ITGB4: variants seen among roughly 807,000 people sequenced by gnomAD.
The protein encoded by ITGB4 is integrin beta-4.
In ITGB4, 159 loss-of-function variants were observed where a neutral mutation model predicts 207.6. The ratio of observed to expected loss-of-function variants is 0.77; its 90% CI spans 0.67 to 0.87. ITGB4 has a LOEUF of 0.87. ITGB4 is among the 40% of genes least tolerant of loss of function. The pLI is 0.00. For missense variants in ITGB4, 2,278 were observed against 2,546.8 expected, an observed-to-expected ratio of 0.89 and a Z score of 2.27; for synonymous variants, 1,020 against 1,062.7, an observed-to-expected ratio of 0.96 and a Z score of 0.78.
In ITGB4 at chr17:75,748,841, G is replaced by A. The variant is rs1280050049; in HGVS notation, c.3112G>A (p.Asp1038Asn). Residue 1038 changes from aspartate (D) to asparagine (N), a missense_variant and splice_region_variant, in exon 27 of 40, where the codon GAC (aspartate) becomes AAC (asparagine). Physicochemically the swap from Asp to Asn is conservative, Grantham distance 23 (BLOSUM62 1). Coordinates refer to ENST00000200181, the MANE Select transcript of ITGB4 (RefSeq NM_000213.5). ...TQDGTAQGNR[D>N]YIPVEGELLF... ...TGACCCTGACCCCCTCCACTCCCAG[G>A]ACTACATCCCCGTGGAGGGTGAGCT... The A allele has an allele frequency of 1.2e-6, 2 of 1,608,154 alleles. No homozygotes were observed. Among genetic ancestry groups the A allele is most frequent in the Admixed American group, 3.4e-5 (2 of 59,396 alleles).
rs141930616 is a variant in ITGB4 at position 75,727,774 on chromosome 17, G to A, written c.388G>A (p.Val130Met). Residue 130 changes from valine (V) to methionine (M), a missense_variant, in exon 5 of 40, where the codon GTG (valine) becomes ATG (methionine). By Grantham distance (21) the Val-to-Met change is conservative. Transcript: ENST00000200181. This position sits in a 1 kb window ranked among gnomAD's most constrained non-coding sequence, Gnocchi z 6.0. ...GGTGTTTGAGCCACTGGAGAGCCCC[G>A]TGGACCTGTACATCCTCATGGACTT... is the stretch of plus-strand genomic sequence containing the variant. ...LEVFEPLESP[V>M]DLYILMDFSN... is the part of the protein sequence containing the mutation. 2.1e-5 allele frequency: 34 copies of A among 1,614,096 alleles called. No homozygotes were observed. Among genetic ancestry groups the A allele is most frequent in the African/African-American group, 9.3e-5 (7 of 75,040 alleles).
In ITGB4 at chr17:75,736,560, C is replaced by G. The variant is rs751684413; in HGVS notation, c.1861-5C>G. On this transcript the variant is annotated splice_region_variant and splice_polypyrimidine_tract_variant and intron_variant, in intron 15 of 39. Transcript: ENST00000200181. ...TGCCTGTCTGCCCCGCCTTTCCCCGCCAAGATCCACCCGGGCCTCTGCGAG... is the reference window on the plus strand; with the variant it reads ...TGCCTGTCTGCCCCGCCTTTCCCCGGCAAGATCCACCCGGGCCTCTGCGAG... The G allele has an allele frequency of 6.3e-7, 1 of 1,596,284 alleles. No homozygotes were observed. The highest frequency in any genetic ancestry group is 8.5e-7 in the Non-Finnish European group (1 of 1,171,964).
rs372656281 is a variant in ITGB4, at chr17:75,736,031, T to A, written c.1658-20T>A. On this transcript the variant is annotated intron_variant, in intron 13 of 39. Transcript: ENST00000200181. Reference sequence around the variant, plus strand: ...GGCACAGATGTAGCTCTCATCTCCCTTCCTTGTCCCTCTCTGCAGACCGAG... The same window carrying A: ...GGCACAGATGTAGCTCTCATCTCCCATCCTTGTCCCTCTCTGCAGACCGAG... 2.5e-6 allele frequency: 4 copies of A among 1,611,798 alleles called. No individual in the cohort carries two copies. Among genetic ancestry groups the A allele is most frequent in the Non-Finnish European group, 3.4e-6 (4 of 1,178,900 alleles).
Position 75,729,184 on chromosome 17 carries a change from C to A in ITGB4, c.567-81C>A. On this transcript the variant is annotated intron_variant, in intron 6 of 39. Transcript: ENST00000200181. The surrounding 1 kb of genome is among the most constrained non-coding windows in gnomAD (Gnocchi z 4.4). ...AAAAAAAAAAAAAAAAATTCTCCTT[C>A]TAGTTGAAACGAGCCAGGGGCACTG... The A allele has an allele frequency of 5.5e-6, 7 of 1,276,748 alleles. No homozygotes were observed. Among genetic ancestry groups the A allele is most frequent in the South Asian group, 1.3e-5 (1 of 75,242 alleles). The allele number at this position is 1,276,748 out of a possible 1,614,324, so 79.1% of individuals were successfully genotyped here.
Position 75,736,078 on chromosome 17 carries a change from G to A in ITGB4, c.1685G>A (p.Cys562Tyr), listed in dbSNP as rs2060968381. 1 of 1,614,008 alleles carries A rather than the reference G, an allele frequency of 6.2e-7. No individual in the cohort carries two copies. The highest frequency in any genetic ancestry group is 1.7e-5 in the Admixed American group (1 of 60,006). Residue 562 changes from cysteine to tyrosine, a missense_variant, in exon 14 of 40, where the codon TGT (cysteine) becomes TAT (tyrosine). Transcript: ENST00000200181. ...NDRGRCSMGQ[C>Y]VCEPGWTGPS... is the part of the protein sequence containing the mutation. ...CGAGGACGCTGCTCCATGGGCCAGT[G>A]TGTGTGTGAGCCTGGTTGGACAGGC...
rs775690274 is a variant in ITGB4 at position 75,750,821 on chromosome 17, C to A, written c.3616C>A (p.Pro1206Thr). The change falls in exon 29 of 40, where the codon CCC becomes ACC. Residue 1206 changes from proline to threonine, a missense_variant. Pro to Thr is a conservative substitution (Grantham distance 38). Coordinates refer to ENST00000200181, the MANE Select transcript of ITGB4 (RefSeq NM_000213.5). The surrounding 1 kb of genome is among the most constrained non-coding windows in gnomAD (Gnocchi z 5.5). ...CGCCTACGGGGCTCAGGGCGAGGGACCCTACAGCTCCCTGGTGTCCTGCCG... is the reference window on the plus strand; with the variant it reads ...CGCCTACGGGGCTCAGGGCGAGGGAACCTACAGCTCCCTGGTGTCCTGCCG... ...VCAYGAQGEG[P>T]YSSLVSCRTH... 3 of 1,613,284 alleles carry A rather than the reference C, an allele frequency of 1.9e-6. No homozygotes were observed. In the African/African-American group the frequency reaches 4.0e-5, roughly 22 times the overall value.
rs1406787104 is a variant in ITGB4, at chr17:75,737,366, G to A, written c.2035G>A (p.Asp679Asn). 3.2e-6 allele frequency: 5 copies of A among 1,587,116 alleles called. No individual in the cohort carries two copies. Among genetic ancestry groups the A allele is most frequent in the South Asian group, 2.3e-5 (2 of 87,026 alleles). Residue 679 changes from aspartate to asparagine, a missense_variant, in exon 17 of 40, where the codon GAC (aspartate) becomes AAC (asparagine). Physicochemically the swap from Asp to Asn is conservative, Grantham distance 23. Transcript: ENST00000200181. ...CTGCTCCTTCCGGGACGAGGATGACGACTGCACCTACAGCTACACCATGGA... is the reference window on the plus strand; with the variant it reads ...CTGCTCCTTCCGGGACGAGGATGACAACTGCACCTACAGCTACACCATGGA... Reference protein sequence around the residue: ...VRCSFRDEDDDCTYSYTMEGD... With the variant: ...VRCSFRDEDDNCTYSYTMEGD...
rs774672916 is a variant in ITGB4, at chr17:75,733,572, T to G, written c.1537T>G (p.Ser513Ala). ...GCGGGAGGGCGAGGACAAGCCGTGC[T>G]CCGGCCGTGGGGAGTGCCAGTGCGG... ...CLREGEDKPC[S>A]GRGECQCGHC... Residue 513 changes from serine (S) to alanine (A), a missense_variant, in exon 13 of 40, where the codon TCC becomes GCC. Physicochemically the swap from Ser to Ala is moderately conservative, Grantham distance 99. Transcript: ENST00000200181. 6.2e-7 allele frequency: 1 copy of G among 1,613,918 alleles called. No homozygotes were observed. The highest frequency in any genetic ancestry group is 8.5e-7 in the Non-Finnish European group (1 of 1,180,026).
rs2061425945 is a variant in ITGB4 at position 75,753,883 on chromosome 17, C to G, written c.4227C>G (p.Asp1409Glu). ...RLSASSGRSS[D>E]AEAPHGPPDD... Reference sequence around the variant, plus strand: ...CGGCCAGCAGCGGGCGCTCCTCCGACGCCGAGGCGCCCCACGGGCCCCCGG... The same window carrying G: ...CGGCCAGCAGCGGGCGCTCCTCCGAGGCCGAGGCGCCCCACGGGCCCCCGG... Residue 1409 changes from aspartate (D) to glutamate (E), a missense_variant, in exon 33 of 40, where the codon GAC becomes GAG. By Grantham distance (45) the Asp-to-Glu change is conservative (BLOSUM62 2). Transcript: ENST00000200181. The G allele has an allele frequency of 2.3e-6, 3 of 1,318,850 alleles. No individual in the cohort carries two copies. The highest frequency in any genetic ancestry group is 2.9e-6 in the Non-Finnish European group (3 of 1,038,218). The allele number at this position is 1,318,850 out of a possible 1,614,324, so 81.7% of individuals were successfully genotyped here.
At position 75,749,146 on chromosome 17, in the gene ITGB4, C is replaced by T. The variant is rs1329854320; in HGVS notation, c.3316+101C>T. The T allele has an allele frequency of 8.7e-6, 8 of 916,284 alleles. No homozygotes were observed. In the African/African-American group the frequency reaches 1.1e-4, roughly 13 times the overall value. The allele number at this position is 916,284 out of a possible 1,614,324, so 56.8% of individuals were successfully genotyped here. ...CTTAGCAAATCCAAACACAGGACGCCCAGGTAAATCTGAATTTCAGGTAAA... is the reference window on the plus strand; with the variant it reads ...CTTAGCAAATCCAAACACAGGACGCTCAGGTAAATCTGAATTTCAGGTAAA... On this transcript the variant is annotated intron_variant, in intron 27 of 39. Coordinates refer to ENST00000200181, the MANE Select transcript of ITGB4 (RefSeq NM_000213.5).
At chr17:75,728,543 C>A in intron 6 of ITGB4, 70 bp downstream of exon 6, 1 of 1,242,258 alleles carries the variant, frequency 8.0e-7, no homozygotes, top group South Asian at 1.2e-5. Context: ...CTCTTTCACC[C>A]ACAACTTAAA....
Position 75,753,795 on chromosome 17 carries a change from G to GGGA in ITGB4, c.4144_4146dup (p.Glu1382dup). Reference sequence around the variant, plus strand: ...GGCTGGAAGTTCGAGCCCCTGCTGGGGGAGGAGCTGGACCTGCGGCGCGTC... The same window carrying GGGA: ...GGCTGGAAGTTCGAGCCCCTGCTGGGGGAGGAGGAGCTGGACCTGCGGCGCGTC... On this transcript the variant is annotated inframe_insertion, in exon 33 of 40. Transcript: ENST00000200181. 6.8e-7 allele frequency: 1 copy of GGGA among 1,460,318 alleles called. No individual in the cohort carries two copies. The highest frequency in any genetic ancestry group is 9.0e-7 in the Non-Finnish European group (1 of 1,106,226). The allele number at this position is 1,460,318 out of a possible 1,614,324, so 90.5% of individuals were successfully genotyped here.
intron 23 of ITGB4, 132 bp downstream of exon 23, chr17:75,741,137 C>T (rs1224607015): frequency 1.8e-5 from 18 of 1,020,436 alleles, no homozygotes; most frequent in African/African-American, 1.1e-4. Context: ...CCGTCAGGTT[C>T]GGACCTTCAT....
At position 75,748,859 on chromosome 17, in the gene ITGB4, G is replaced by A. The variant is rs748470495; in HGVS notation, c.3130G>A (p.Gly1044Ser). ...CTCCCAGGACTACATCCCCGTGGAG[G>A]GTGAGCTGCTGTTCCAGCCTGGGGA... The part of the protein sequence containing the change: ...QGNRDYIPVE[G>S]ELLFQPGEAW... The change falls in exon 27 of 40, where the codon GGT becomes AGT. Residue 1044 changes from glycine (G) to serine (S), a missense_variant. Coordinates refer to ENST00000200181, the MANE Select transcript of ITGB4 (RefSeq NM_000213.5). 3 of 1,611,438 alleles carry A rather than the reference G, an allele frequency of 1.9e-6. No homozygotes were observed. Among genetic ancestry groups the A allele is most frequent in the East Asian group, 2.2e-5 (1 of 44,834 alleles).
chr17:75,742,857 G>A lies in ITGB4; in HGVS notation c.2962+96G>A. 4 of 1,192,900 alleles carry A rather than the reference G, an allele frequency of 3.4e-6. No homozygotes were observed. The highest frequency in any genetic ancestry group is 4.7e-6 in the Non-Finnish European group (4 of 848,068). 73.9% of individuals were successfully genotyped at this position (1,192,900 alleles called of 1,614,324 possible). ...GAATTGCGACCTGGCCACGTGGCCTGGGCTAGTCACTTAACCTCTGCAAGC... is the reference window on the plus strand; with the variant it reads ...GAATTGCGACCTGGCCACGTGGCCTAGGCTAGTCACTTAACCTCTGCAAGC... On this transcript the variant is annotated intron_variant, in intron 25 of 39. Transcript: ENST00000200181. This position sits in a 1 kb window ranked among gnomAD's most constrained non-coding sequence, Gnocchi z 5.9.
In ITGB4 at chr17:75,727,494, C is replaced by T. The variant is rs1166350647; in HGVS notation, c.253C>T (p.Gln85Ter). Residue 85 changes from glutamine (Q) to a stop codon, truncating the protein, a stop_gained, in exon 4 of 40, where the codon CAA becomes TAA. Transcript: ENST00000200181. LOFTEE classifies it high-confidence loss of function. This position sits in a 1 kb window ranked among gnomAD's most constrained non-coding sequence, Gnocchi z 6.0. ...ESIVVMESSF[Q>*]ITEETQIDTT... ...CATCGTGGTCATGGAGAGCAGCTTC[C>T]AAATCACAGAGGTGCCTGGTGTGGG... 2 of 1,613,810 alleles carry T rather than the reference C, an allele frequency of 1.2e-6. No individual in the cohort carries two copies.
intron 26 of ITGB4, among the ~76,000 whole-genome samples, chr17:75,744,202 C>T (rs1306725569): frequency 4.7e-5 from 7 of 150,326 alleles, no homozygotes; most frequent in African/African-American, 1.7e-4. Flanking sequence ...CTCACCGCAA[C>T]CTCCACCTCT....
At chr17:75,737,254 C>T in intron 16 of ITGB4, 68 bp from the exon 17 acceptor site, 2 of 1,550,588 alleles carry the variant, frequency 1.3e-6, no homozygotes, top group Non-Finnish European at 1.7e-6. Flanking sequence ...GGCCCCCTCA[C>T]CAGACCCTGG....
At chr17:75,744,930 A>G (rs2061200454) in intron 26 of ITGB4, among the ~76,000 whole-genome samples, 2 of 148,168 alleles carry the variant, frequency 1.3e-5, no homozygotes, top group Admixed American at 6.8e-5. Flanking sequence ...CGCCCGGCCT[A>G]GTTTTTGTAT....
Sources: allele counts gnomAD v4.1 joint callset (sites outside exome capture counted in the v4.1 genomes callset), GRCh38; gene constraint gnomAD v4.1.1; non-coding constraint Gnocchi (gnomAD v3.1); transcripts MANE v1.5; gene names NCBI Gene and HGNC (gene_info 2026-07-23, HGNC 2026-07-21).